Variants in ARSI observed in about 807,000 individuals in gnomAD.
ARSI encodes the protein arylsulfatase family member I.
Under a neutral mutation model 42.1 loss-of-function variants are expected in ARSI, and 37 were observed. The ratio of observed to expected loss-of-function variants is 0.88; its 90% confidence interval spans 0.68 to 1.16. ARSI has a LOEUF of 1.16. ARSI is among the 50% of genes most tolerant of loss of function. The pLI is 0.00. For missense variants in ARSI, 725 were observed against 790.1 expected (o/e 0.92, Z 0.99); for synonymous variants, 305 against 320.3 (o/e 0.95, Z 0.51).
chr5:150,298,597 T>G lies in ARSI; in HGVS notation c.327A>C (p.Thr109=). The change falls in exon 2 of 2, where the codon ACA becomes ACC. Residue 109 remains threonine, a synonymous_variant. Coordinates refer to ENST00000328668, the MANE Select transcript of ARSI (RefSeq NM_001012301.4). Reference sequence around the variant, plus strand: ...GGCGGATGATGGAATGCTGGAGTCCTGTGTGGATCTGGTACCTGGTGGGGA... The same window carrying G: ...GGCGGATGATGGAATGCTGGAGTCCGGTGTGGATCTGGTACCTGGTGGGGA... ...QLLTGRYQIH[T]GLQHSIIRPQ... is the part of the protein sequence containing the mutation. 4 of 1,606,886 alleles carry G rather than the reference T, an allele frequency of 2.5e-6. No individual in the cohort carries two copies. The highest frequency in any genetic ancestry group is 3.4e-6 in the Non-Finnish European group (4 of 1,175,114).
chr5:150,302,076 G>A lies in ARSI; in HGVS notation c.298C>T (p.Leu100Phe), dbSNP rs1192168228. ...QPICTPSRSQ[L>F]LTGRYQIHTG... The stretch of plus-strand genomic sequence containing the variant: ...AGCCACGCCTACCTGCCAGTGAGGA[G>A]CTGGCTCCGCGAAGGCGTGCAGATG... Residue 100 changes from leucine (L) to phenylalanine (F), a missense_variant, in exon 1 of 2, where the codon CTC (leucine) becomes TTC (phenylalanine). Physicochemically the swap from Leu to Phe is conservative, Grantham distance 22. Transcript: ENST00000328668. This position sits in a 1 kb window ranked among gnomAD's most constrained non-coding sequence, Gnocchi z 6.1. 1 of 1,590,270 alleles carries A rather than the reference G, an allele frequency of 6.3e-7. No homozygotes were observed. Among genetic ancestry groups the A allele is most frequent in the Non-Finnish European group, 8.6e-7 (1 of 1,168,014 alleles).
Position 150,302,390 on chromosome 5 carries a change from G to C in ARSI, c.-17C>G, listed in dbSNP as rs150442690. The C allele has an allele frequency of 1.0e-3, 1,433 of 1,414,222 alleles. 3 individuals are homozygous for C. Among genetic ancestry groups the C allele is most frequent in the Non-Finnish European group, 1.3e-3 (1,378 of 1,085,982 alleles). The allele number at this position is 1,414,222 out of a possible 1,614,324, so 87.6% of individuals were successfully genotyped here. A position where few individuals can be genotyped will look rare whatever the true frequency, so the allele number is the denominator to read the frequency against. ...GGTGTGCATCGCCAAGCCGGCCCGC[G>C]CGTCCCGGCGCGCCGGGCTCCTGGG... is the stretch of plus-strand genomic sequence containing the variant. On this transcript the variant is annotated 5_prime_UTR_variant, in exon 1 of 2. Coordinates refer to ENST00000328668, the MANE Select transcript of ARSI (RefSeq NM_001012301.4). This position sits in a 1 kb window ranked among gnomAD's most constrained non-coding sequence, Gnocchi z 6.1.
Position 150,297,446 on chromosome 5 carries a change from G to C in ARSI, c.1478C>G (p.Ala493Gly). The C allele has an allele frequency of 6.2e-7, 1 of 1,610,296 alleles. No homozygotes were observed. The highest frequency in any genetic ancestry group is 8.5e-7 in the Non-Finnish European group (1 of 1,177,862). Residue 493 changes from alanine (A) to glycine (G), a missense_variant, in exon 2 of 2, where the codon GCC becomes GGC. Ala to Gly is a moderately conservative substitution (Grantham distance 60). Transcript: ENST00000328668. The surrounding 1 kb of genome is among the most constrained non-coding windows in gnomAD (Gnocchi z 7.0). Reference sequence around the variant, plus strand: ...CGGGATGGCTGTGCGGTTATATTCGGCCAGGCGAGCCAGCAGGGTGCGGAC... The same window carrying C: ...CGGGATGGCTGTGCGGTTATATTCGCCCAGGCGAGCCAGCAGGGTGCGGAC... The part of the protein sequence containing the change: ...DVVRTLLARL[A>G]EYNRTAIPVR...
In ARSI at chr5:150,298,094, A is replaced by T. The variant is rs753465943; in HGVS notation, c.830T>A (p.Ile277Asn). ...ACCGTAGCGCTTGAGGGCCCAGGTG[A>T]TGTTGCGCACAGCCTCATCCATGCA... ...VTCMDEAVRNITWALKRYGFY... is the reference protein window; with the variant it reads ...VTCMDEAVRNNTWALKRYGFY... Residue 277 changes from isoleucine to asparagine, a missense_variant, in exon 2 of 2, where the codon ATC (isoleucine) becomes AAC (asparagine). By Grantham distance (149) the Ile-to-Asn change is moderately radical. Coordinates refer to ENST00000328668, the MANE Select transcript of ARSI (RefSeq NM_001012301.4). 6.2e-7 allele frequency: 1 copy of T among 1,613,194 alleles called. No homozygotes were observed. The highest frequency in any genetic ancestry group is 1.7e-5 in the Admixed American group (1 of 59,972).
Position 150,297,382 on chromosome 5 carries a change from G to T in ARSI, c.1542C>A (p.Asp514Glu). Residue 514 changes from aspartate to glutamate, a missense_variant, in exon 2 of 2, where the codon GAC becomes GAA. Physicochemically the swap from Asp to Glu is conservative, Grantham distance 45. Coordinates refer to ENST00000328668, the MANE Select transcript of ARSI (RefSeq NM_001012301.4). This position sits in a 1 kb window ranked among gnomAD's most constrained non-coding sequence, Gnocchi z 7.0. ...YPAENPRAHP[D>E]FNGGAWGPWA... is the part of the protein sequence containing the mutation. ...AGGGCCCCCAAGCACCCCCATTAAA[G>T]TCAGGATGAGCCCGGGGGTTCTCAG... 1 of 1,610,836 alleles carries T rather than the reference G, an allele frequency of 6.2e-7. No homozygotes were observed.
intron 1 of ARSI, among the ~76,000 whole-genome samples, chr5:150,300,038 T>G (rs1237525527): frequency 6.6e-6 from 1 of 152,182 alleles, no homozygotes; most frequent in African/African-American, 2.4e-5. Flanking sequence ...ACAAGTATGT[T>G]AAAATCCCAC....
rs1757858235 is a variant in ARSI at position 150,298,303 on chromosome 5, G to A, written c.621C>T (p.Tyr207=). 1 of 1,613,382 alleles carries A rather than the reference G, an allele frequency of 6.2e-7. No individual in the cohort carries two copies. The highest frequency in any genetic ancestry group is 1.1e-5 in the South Asian group (1 of 91,064). The change falls in exon 2 of 2, where the codon TAC becomes TAT. Residue 207 remains tyrosine (Y), a synonymous_variant. Transcript: ENST00000328668. ...CGCGCTGGGCATAAAGCATAGTGGAGTACTGGCCGCTGAGCCCCCAGGCCA... is the reference window on the plus strand; with the variant it reads ...CGCGCTGGGCATAAAGCATAGTGGAATACTGGCCGCTGAGCCCCCAGGCCA... ...ENVAWGLSGQ[Y]STMLYAQRAS... is the part of the protein sequence containing the mutation.
Position 150,297,954 on chromosome 5 carries a change from G to T in ARSI, c.970C>A (p.Arg324=), listed in dbSNP as rs141695719. Residue 324 remains arginine (R), a synonymous_variant, in exon 2 of 2, where the codon CGG becomes AGG. Coordinates refer to ENST00000328668, the MANE Select transcript of ARSI (RefSeq NM_001012301.4). This position sits in a 1 kb window ranked among gnomAD's most constrained non-coding sequence, Gnocchi z 7.0. ...RKGTYWEGGV[R]GLGFVHSPLL... ...GGACTGTGGACAAAGCCTAGGCCCC[G>T]CACGCCACCTTCCCAATAAGTGCCC... The T allele has an allele frequency of 4.3e-6, 7 of 1,611,284 alleles. No homozygotes were observed. The highest frequency in any genetic ancestry group is 2.7e-5 in the African/African-American group (2 of 74,886).
intron 1 of ARSI, among the ~76,000 whole-genome samples, chr5:150,299,111 G>A (rs1399097602): frequency 2.6e-5 from 4 of 152,156 alleles, no homozygotes; most frequent in Non-Finnish European, 4.4e-5. Flanking sequence ...TGACTCACAC[G>A]GCTAGTAGTT....
chr5:150,301,743 G>T (rs1031842808), intron 1 of ARSI, among the ~76,000 whole-genome samples: 1 of 152,074 alleles, frequency 6.6e-6, no homozygotes, highest in African/African-American at 2.4e-5. Context: ...TCAGGGTCTC[G>T]GGGTCCATAA....
At chr5:150,298,653 C>CTACA in intron 1 of ARSI, 41 bp from the exon 2 acceptor site, 1 of 1,554,284 alleles carries the variant, frequency 6.4e-7, no homozygotes, top group Non-Finnish European at 8.7e-7. Flanking sequence ...CACAGGTAAG[C>CTACA]TACAGACCAT....
chr5:150,297,756 G>T lies in ARSI; in HGVS notation c.1168C>A (p.His390Asn). The T allele has an allele frequency of 1.9e-6, 3 of 1,610,676 alleles. No homozygotes were observed. Among genetic ancestry groups the T allele is most frequent in the Non-Finnish European group, 2.5e-6 (3 of 1,178,370 alleles). Residue 390 changes from histidine to asparagine, a missense_variant, in exon 2 of 2, where the codon CAC (histidine) becomes AAC (asparagine). Coordinates refer to ENST00000328668, the MANE Select transcript of ARSI (RefSeq NM_001012301.4). This position sits in a 1 kb window ranked among gnomAD's most constrained non-coding sequence, Gnocchi z 7.0. The part of the protein sequence containing the change: ...GRASPRTEIL[H>N]NIDPLYNHAQ... ...TGGTTGTAGAGTGGGTCAATGTTGT[G>T]CAGGATCTCCGTGCGTGGTGAGGCC...
At position 150,298,003 on chromosome 5, in the gene ARSI, G is replaced by T. The variant is rs200155745; in HGVS notation, c.921C>A (p.Ser307Arg). Reference protein sequence around the residue: ...DNGGQTFSGGSNWPLRGRKGT... With the variant: ...DNGGQTFSGGRNWPLRGRKGT... ...CCTTGCGTCCTCGGAGCGGCCAGTTGCTGCCCCCCGAGAAAGTCTGGCCAC... is the reference window on the plus strand; with the variant it reads ...CCTTGCGTCCTCGGAGCGGCCAGTTTCTGCCCCCCGAGAAAGTCTGGCCAC... The change falls in exon 2 of 2, where the codon AGC (serine) becomes AGA (arginine). Residue 307 changes from serine to arginine, a missense_variant. Transcript: ENST00000328668. 6 of 1,612,580 alleles carry T rather than the reference G, an allele frequency of 3.7e-6. No individual in the cohort carries two copies. Among genetic ancestry groups the T allele is most frequent in the African/African-American group, 1.3e-5 (1 of 75,038 alleles).
Position 150,297,529 on chromosome 5 carries a change from G to A in ARSI, c.1395C>T (p.Phe465=), listed in dbSNP as rs775485132. 6.2e-6 allele frequency: 10 copies of A among 1,613,516 alleles called. No homozygotes were observed. In the African/African-American group the frequency reaches 9.3e-5, roughly 15 times the overall value. ...MASVRQAVWL[F]NISADPYERE... The stretch of plus-strand genomic sequence containing the variant: ...GTTCATAAGGGTCAGCACTGATGTT[G>A]AAGAGCCACACGGCCTGGCGGACAC... The change falls in exon 2 of 2, where the codon TTC becomes TTT. Residue 465 remains phenylalanine, a synonymous_variant. Transcript: ENST00000328668. The surrounding 1 kb of genome is among the most constrained non-coding windows in gnomAD (Gnocchi z 7.0).
intron 1 of ARSI, among the ~76,000 whole-genome samples, chr5:150,301,447 A>G (rs1163502557): frequency 6.6e-6 from 1 of 152,156 alleles, no homozygotes; most frequent in Non-Finnish European, 1.5e-5. Flanking sequence ...AGATGAAAAA[A>G]CAGAGGCTCA....
chr5:150,299,399 C>T (rs770261092), intron 1 of ARSI, among the ~76,000 whole-genome samples: 12 of 152,188 alleles, frequency 7.9e-5, no homozygotes, highest in Non-Finnish European at 1.5e-4. Flanking sequence ...CATGCTCTTG[C>T]GCCCAGTGAC....
At chr5:150,300,973 C>A (rs1362990861) in intron 1 of ARSI, among the ~76,000 whole-genome samples, 1 of 152,176 alleles carries the variant, frequency 6.6e-6, no homozygotes, top group Non-Finnish European at 1.5e-5. Flanking sequence ...ATTCCTGGAT[C>A]TAAACGCTGG....
In ARSI at chr5:150,296,927, A is replaced by G. The variant is rs2150319735; in HGVS notation, c.*287T>C. 3.4e-6 allele frequency: 1 copy of G among 290,044 alleles called. No individual in the cohort carries two copies. Among genetic ancestry groups the G allele is most frequent in the Admixed American group, 4.8e-5 (1 of 21,006 alleles). The allele number at this position is 290,044 out of a possible 1,614,324, so 18.0% of individuals were successfully genotyped here. ...CCAGGGCCACACCAAAGAGTCACAA[A>G]GTCATTAGAGCTCATTTTACAGATG... On this transcript the variant is annotated 3_prime_UTR_variant, in exon 2 of 2. Coordinates refer to ENST00000328668, the MANE Select transcript of ARSI (RefSeq NM_001012301.4).
chr5:150,298,029 C>G lies in ARSI; in HGVS notation c.895G>C (p.Gly299Arg), dbSNP rs966027588. ...NSVIIFSSDN[G>R]GQTFSGGSNW... is the part of the protein sequence containing the mutation. ...CTGCCCCCCGAGAAAGTCTGGCCAC[C>G]ATTGTCACTGGAGAAGATGATGACA... The change falls in exon 2 of 2, where the codon GGT becomes CGT. Residue 299 changes from glycine (G) to arginine (R), a missense_variant. Transcript: ENST00000328668. 1 of 1,612,712 alleles carries G rather than the reference C, an allele frequency of 6.2e-7. No homozygotes were observed. The highest frequency in any genetic ancestry group is 1.1e-5 in the South Asian group (1 of 91,076).
Sources: gnomAD v4.1 joint callset for allele counts (sites outside exome capture counted in the v4.1 genomes callset) on GRCh38, gnomAD v4.1.1 for gene constraint, Gnocchi (gnomAD v3.1) non-coding constraint, MANE v1.5 for transcripts, NCBI Gene and HGNC (gene_info 2026-07-23, HGNC 2026-07-21) for gene names.